YAE1: variants seen among roughly 807,000 people sequenced by gnomAD.
The protein encoded by YAE1 is YAE1 maturation factor of ABCE1.
Under a neutral mutation model 23.0 loss-of-function variants are expected in YAE1, and 22 were observed. The ratio of observed to expected loss-of-function variants is 0.96; its 90% CI spans 0.68 to 1.37. The LOEUF (loss-of-function observed/expected upper bound fraction) is 1.37, where lower values mean the gene tolerates loss of function less well. Ranked by LOEUF, YAE1 falls within the 40% of genes most tolerant of loss-of-function variation. The pLI is 0.00. For synonymous variants in YAE1, 101 were observed against 97.0 expected (o/e 1.04, Z -0.24); for missense variants, 260 against 262.1 (o/e 0.99, Z 0.06).
At chr7:39,595,496 T>C (rs1433830424) in intron 2 of YAE1, among the ~76,000 whole-genome samples, 2 of 152,186 alleles carry the variant, frequency 1.3e-5, no homozygotes, top group African/African-American at 4.8e-5. Flanking sequence ...GAAGGCTTTA[T>C]GTGCCAAACT....
rs549773913 is a variant in YAE1 at position 39,568,515 on chromosome 7, CA to C, written c.129+1970del. On this transcript the variant is annotated intron_variant, in intron 1 of 2. Transcript: ENST00000223273. The stretch of plus-strand genomic sequence containing the variant: ...ATCCAAAAAGAAAAATTTTAAAAGA[CA>C]ATTTCAAGTAGTTCAGCAAGAATGA... Among the ~76,000 whole-genome samples the C allele has an allele frequency of 3.0e-4, 45 of 152,074 alleles. No individual in the cohort carries two copies. In the South Asian group the frequency reaches 7.9e-3, roughly 27 times the overall value.
Position 39,572,327 on chromosome 7 carries a change from A to C in YAE1, c.302A>C (p.Asn101Thr), listed in dbSNP as rs751087599. 6.2e-7 allele frequency: 1 copy of C among 1,613,946 alleles called. No individual in the cohort carries two copies. Among genetic ancestry groups the C allele is most frequent in the South Asian group, 1.1e-5 (1 of 91,016 alleles). The change falls in exon 3 of 3, where the codon AAT becomes ACT. Residue 101 changes from asparagine (N) to threonine (T), a missense_variant. Asn to Thr is a moderately conservative substitution (Grantham distance 65). Transcript: ENST00000223273. ...HLHNNNSTLI[N>T]KINNLLDAVG... ...CATAATAATAATTCAACTTTGATCA[A>C]TAAAATAAACAATCTTCTGGATGCA...
At chr7:39,575,577 A>AGAGAGAGAGAGTGAGTGAGTGAGTGT (rs1173016799), downstream of YAE1, among the ~76,000 whole-genome samples, 13 of 80,258 alleles carry the variant, frequency 1.6e-4, no homozygotes, top group African/African-American at 8.3e-4. Flanking sequence ...AGAGAGAGAG[A>AGAGAGAGAGAGTGAGTGAGTGAGTGT]GTGAGTGTGT....
intron 2 of YAE1, among the ~76,000 whole-genome samples, chr7:39,587,348 C>T (rs887055167): frequency 7.9e-5 from 12 of 151,744 alleles, no homozygotes; most frequent in Admixed American, 2.6e-4. Flanking sequence ...GTTGCTCCAG[C>T]CTGGGCAACA....
chr7:39,600,063 G>T (rs1261644013), intron 2 of YAE1, among the ~76,000 whole-genome samples: 5 of 152,068 alleles, frequency 3.3e-5, no homozygotes, highest in Non-Finnish European at 7.4e-5. Flanking sequence ...AAAGGAAGAG[G>T]CACAAATCCA....
chr7:39,606,670 G>A (rs1791134195), intron 2 of YAE1, among the ~76,000 whole-genome samples: 1 of 150,042 alleles, frequency 6.7e-6, no homozygotes, highest in African/African-American at 2.5e-5. Flanking sequence ...AGGTTTAAGG[G>A]CAAATTAGAA....
chr7:39,602,795 C>A (rs1428086291), intron 2 of YAE1, among the ~76,000 whole-genome samples: 2 of 152,214 alleles, frequency 1.3e-5, no homozygotes. Flanking sequence ...GTCATCCAGG[C>A]TGGAGTGCCG....
intron 2 of YAE1, among the ~76,000 whole-genome samples, chr7:39,609,097 C>T (rs1791168738): frequency 6.6e-6 from 1 of 152,170 alleles, no homozygotes; most frequent in Admixed American, 6.5e-5. Flanking sequence ...CACTCCAGCC[C>T]GCCAGCCCCT....
downstream of YAE1, among the ~76,000 whole-genome samples, chr7:39,574,227 G>C (rs941176785): frequency 6.6e-6 from 1 of 152,170 alleles, no homozygotes; most frequent in Non-Finnish European, 1.5e-5. Flanking sequence ...GATTTTTGTC[G>C]AAAATGAAAT....
intron 2 of YAE1, among the ~76,000 whole-genome samples, chr7:39,593,177 C>CTTTTTTTTGTTTTTTTTTTTT (rs1790925368): frequency 1.4e-5 from 1 of 72,112 alleles, no homozygotes; most frequent in Non-Finnish European, 2.3e-5. Flanking sequence ...TTGGTTATTT[C>CTTTTTTTTGTTTTTTTTTTTT]TTTTTTTTTT....
At chr7:39,595,954 T>A (rs1790966526) in intron 2 of YAE1, among the ~76,000 whole-genome samples, 1 of 152,254 alleles carries the variant, frequency 6.6e-6, no homozygotes. Flanking sequence ...TTTCTTTCTC[T>A]AATTCCAGCA....
At position 39,572,761 on chromosome 7, in the gene YAE1, A is replaced by G. The variant is rs1238763480; in HGVS notation, c.*55A>G. 39 of 1,516,176 alleles carry G rather than the reference A, an allele frequency of 2.6e-5. No individual in the cohort carries two copies. The highest frequency in any genetic ancestry group is 3.1e-5 in the Non-Finnish European group (35 of 1,137,820). 93.9% of individuals were successfully genotyped at this position (1,516,176 alleles called of 1,614,324 possible). A position where few individuals can be genotyped will look rare whatever the true frequency, so the allele number is the denominator to read the frequency against. On this transcript the variant is annotated 3_prime_UTR_variant, in exon 3 of 3. Transcript: ENST00000223273. The stretch of plus-strand genomic sequence containing the variant: ...TGTTCAGAACATTTGGTTTCCTAAC[A>G]ATCGAAATTTGTACTGGTTTCTGCA...
chr7:39,608,437 T>C (rs1452389024), intron 2 of YAE1, among the ~76,000 whole-genome samples: 1 of 151,870 alleles, frequency 6.6e-6, no homozygotes, highest in Non-Finnish European at 1.5e-5. Flanking sequence ...GAGTAGGAGA[T>C]AGAGAAAGTT....
chr7:39,583,373 AAC>A (rs1583674515), intron 2 of YAE1, among the ~76,000 whole-genome samples: 1 of 147,900 alleles, frequency 6.8e-6, no homozygotes, highest in East Asian at 2.0e-4. Context: ...CAGTTTACAA[AAC>A]AGGGGTAACT....
chr7:39,596,137 A>G (rs945635833), intron 2 of YAE1, among the ~76,000 whole-genome samples: 5 of 152,202 alleles, frequency 3.3e-5, no homozygotes, highest in African/African-American at 1.2e-4. Context: ...ATCACGTGGA[A>G]CAGTTGAAAA....
At chr7:39,582,885 C>G (rs17687994) in intron 2 of YAE1, among the ~76,000 whole-genome samples, 12,811 of 152,274 alleles carry the variant, frequency 0.084, 668 homozygotes, top group Non-Finnish European at 0.12. Flanking sequence ...AATGGAGAAG[C>G]TGACAGAGAA....
intron 2 of YAE1, among the ~76,000 whole-genome samples, chr7:39,595,669 C>T (rs751273250): frequency 5.4e-4 from 82 of 152,170 alleles, no homozygotes; most frequent in Non-Finnish European, 3.7e-4. Context: ...AGTAACTACT[C>T]AATTGCAGAT....
At chr7:39,603,252 C>T (rs971303176) in intron 2 of YAE1, among the ~76,000 whole-genome samples, 24 of 152,324 alleles carry the variant, frequency 1.6e-4, no homozygotes, top group African/African-American at 5.1e-4. Context: ...CATTCTCCTG[C>T]GTCAGCCTCC....
In YAE1 at chr7:39,570,050, T is replaced by C. The variant is rs1790540207; in HGVS notation, c.130-456T>C. 6.0e-6 allele frequency: 8 copies of C among 1,327,622 alleles called. No homozygotes were observed. In the East Asian group the frequency reaches 1.6e-4, roughly 27 times the overall value. The allele number at this position is 1,327,622 out of a possible 1,614,324, so 82.2% of individuals were successfully genotyped here. On this transcript the variant is annotated intron_variant, in intron 1 of 2. Transcript: ENST00000223273. ...AGCAGGGCACCACGGGGCATAAAAT[T>C]GTATCATCCAGCCTCCTTCCAGCAG...
Sources: allele counts gnomAD v4.1 joint callset (sites outside exome capture counted in the v4.1 genomes callset), GRCh38; gene constraint gnomAD v4.1.1; transcripts MANE v1.5; gene names NCBI Gene and HGNC (gene_info 2026-07-23, HGNC 2026-07-21).